MEAF6: variants seen among roughly 807,000 people sequenced by gnomAD.
MEAF6 encodes chromatin modification-related protein MEAF6.
In MEAF6, 15 loss-of-function variants were observed where a neutral mutation model predicts 28.9. The observed-to-expected ratio is 0.52, with a 90% CI of 0.35 to 0.80. MEAF6 has a LOEUF of 0.80. Among genes scored for constraint, MEAF6 ranks in the 30% least tolerant of loss-of-function variants. MEAF6 has a pLI of 0.01. For missense variants in MEAF6, 178 were observed against 237.5 expected, an observed-to-expected ratio of 0.75 and a Z score of 1.65; for synonymous variants, 97 against 88.7, an observed-to-expected ratio of 1.09 and a Z score of -0.53.
In MEAF6 at chr1:37,499,103, A is replaced by G. The variant is rs527601264; in HGVS notation, c.533+2701T>C. 2.6e-5 allele frequency among the ~76,000 whole-genome samples: 4 copies of G among 152,146 alleles called. No homozygotes were observed. In the East Asian group the frequency reaches 7.7e-4, roughly 29 times the overall value. ...GAGGTCAAAGCTGCAATGACCCATGATCTCACCACTGCACTCCAGCCTGGG... is the reference window on the plus strand; with the variant it reads ...GAGGTCAAAGCTGCAATGACCCATGGTCTCACCACTGCACTCCAGCCTGGG... On this transcript the variant is annotated intron_variant, in intron 5 of 6. Transcript: ENST00000296214.
At chr1:37,504,049 G>A (rs1047724977) in intron 4 of MEAF6, among the ~76,000 whole-genome samples, 2 of 152,210 alleles carry the variant, frequency 1.3e-5, no homozygotes, top group Non-Finnish European at 2.9e-5. Context: ...TTGAGGGAGA[G>A]AGCTGGTGGG....
At chr1:37,508,245 G>C (rs984674400) in intron 4 of MEAF6, among the ~76,000 whole-genome samples, 2 of 149,144 alleles carry the variant, frequency 1.3e-5, no homozygotes, top group Admixed American at 1.3e-4. Flanking sequence ...AGAACATACA[G>C]GTACATCCTA....
intron 5 of MEAF6, among the ~76,000 whole-genome samples, chr1:37,498,896 G>A (rs563014051): frequency 1.3e-5 from 2 of 152,200 alleles, no homozygotes; most frequent in Admixed American, 1.3e-4. Flanking sequence ...GTTCATGCCT[G>A]TAAACCCAGC....
At position 37,506,739 on chromosome 1, in the gene MEAF6, G is replaced by C. The variant is rs750142291; in HGVS notation, c.340+2539C>G. 2.0e-5 allele frequency among the ~76,000 whole-genome samples: 3 copies of C among 152,066 alleles called. No homozygotes were observed. In the South Asian group the frequency reaches 6.2e-4, roughly 32 times the overall value. On this transcript the variant is annotated intron_variant, in intron 4 of 6. Coordinates refer to ENST00000296214, the MANE Select transcript of MEAF6 (RefSeq NM_001270875.3). ...AGGTCTCACTCTGTCACTCAGGCTG[G>C]AGTGTCATGGCTCACTACAGCCTTG...
rs929870104 is a variant in MEAF6 at position 37,490,090 on chromosome 1, G to A, written c.*4009C>T. On this transcript the variant is annotated 3_prime_UTR_variant, in exon 7 of 7. Coordinates refer to ENST00000296214, the MANE Select transcript of MEAF6 (RefSeq NM_001270875.3). ...TGTATATATATAAAATACATCCAAA[G>A]TGAGAAACTAAATAAGGCTGAGCCT... is the stretch of plus-strand genomic sequence containing the variant. Among the ~76,000 whole-genome samples the A allele has an allele frequency of 2.6e-5, 4 of 152,054 alleles. No homozygotes were observed. The highest frequency in any genetic ancestry group is 5.9e-5 in the Non-Finnish European group (4 of 68,020).
intron 2 of MEAF6, among the ~76,000 whole-genome samples, chr1:37,510,987 T>G (rs1642651620): frequency 6.6e-6 from 1 of 152,214 alleles, no homozygotes; most frequent in African/African-American, 2.4e-5. Flanking sequence ...CCCAAAGTGC[T>G]GAGATTACAG....
intron 5 of MEAF6, chr1:37,496,562 C>G: frequency 7.0e-7 from 1 of 1,422,778 alleles, no homozygotes; most frequent in Non-Finnish European, 9.3e-7. Context: ...TCACGTTTTT[C>G]TGTTTTTAAA....
intron 2 of MEAF6, among the ~76,000 whole-genome samples, chr1:37,511,217 A>C (rs1039015840): frequency 1.3e-5 from 2 of 152,176 alleles, no homozygotes; most frequent in Admixed American, 1.3e-4. Context: ...GCAATGGAGT[A>C]CTCCAAAAGT....
intron 4 of MEAF6, among the ~76,000 whole-genome samples, chr1:37,508,013 C>T (rs1642541939): frequency 6.6e-6 from 1 of 152,026 alleles, no homozygotes; most frequent in Non-Finnish European, 1.5e-5. Context: ...ACAAGATATA[C>T]CTTCTGAAAG....
intron 5 of MEAF6, chr1:37,500,934 C>T (rs1037002820): frequency 4.5e-5 from 7 of 154,120 alleles, no homozygotes; most frequent in African/African-American, 4.8e-5. Context: ...ACCCTGGCTT[C>T]GGAACTTCTA....
At chr1:37,505,786 A>G (rs1642461348) in intron 4 of MEAF6, among the ~76,000 whole-genome samples, 2 of 152,194 alleles carry the variant, frequency 1.3e-5, no homozygotes, top group Admixed American at 1.3e-4. Flanking sequence ...GAACCCTTAT[A>G]TTTACAGTCA....
chr1:37,509,582 G>T, intron 2 of MEAF6, 40 bp from the exon 3 acceptor site: 1 of 1,558,394 alleles, frequency 6.4e-7, no homozygotes, highest in Non-Finnish European at 8.8e-7. Flanking sequence ...ACCAAGCTAT[G>T]TCTATGGCTC....
chr1:37,496,478 TA>T (rs994431657), intron 5 of MEAF6: 109 of 800,806 alleles, frequency 1.4e-4, no homozygotes, highest in Middle Eastern at 8.4e-4. Flanking sequence ...TTATCTATTT[TA>T]AAAGAAATTA....
rs1050888605 is a variant in MEAF6 at position 37,505,994 on chromosome 1, C to T, written c.340+3284G>A. ...AAACTAAAAATCTTAGATGCCTGGC[C>T]GGGCGCAGTGGCTCAAGCCTGTAAT... On this transcript the variant is annotated intron_variant, in intron 4 of 6. Transcript: ENST00000296214. Among the ~76,000 whole-genome samples, 4 of 152,258 alleles carry T rather than the reference C, an allele frequency of 2.6e-5. No homozygotes were observed. The East Asian group carries it at 5.8e-4, about 22-fold the overall frequency.
chr1:37,509,563 A>T, intron 2 of MEAF6, 21 bp from the exon 3 acceptor site: 1 of 1,599,772 alleles, frequency 6.3e-7, no homozygotes, highest in East Asian at 2.2e-5. Flanking sequence ...GAAGAAACTC[A>T]TTATGAGCAC....
intron 5 of MEAF6, among the ~76,000 whole-genome samples, chr1:37,498,715 G>A (rs1405164763): frequency 6.6e-6 from 1 of 151,852 alleles, no homozygotes; most frequent in Non-Finnish European, 1.5e-5. Flanking sequence ...ACAGGTATGA[G>A]CCACAGCACC....
chr1:37,505,171 ACCGTATCTGGC>A (rs1426271734), intron 4 of MEAF6, among the ~76,000 whole-genome samples: 1 of 152,226 alleles, frequency 6.6e-6, no homozygotes, highest in Non-Finnish European at 1.5e-5. Context: ...GGCATGAGCC[ACCGTATCTGGC>A]CCAGTTTTCT....
chr1:37,494,137 T>G (rs1322487734), intron 6 of MEAF6, 30 bp from the exon 7 acceptor site: 4 of 1,592,836 alleles, frequency 2.5e-6, no homozygotes, highest in Non-Finnish European at 3.4e-6. Flanking sequence ...AGTCCCAACT[T>G]ACTCTCGGCA....
intron 5 of MEAF6, among the ~76,000 whole-genome samples, chr1:37,500,515 A>G (rs1642265933): frequency 6.6e-6 from 1 of 152,200 alleles, no homozygotes; most frequent in Admixed American, 6.5e-5. Context: ...AATTCTTACT[A>G]CAGTTATGCG....
Sources: gnomAD v4.1 joint callset for allele counts (sites outside exome capture counted in the v4.1 genomes callset) on GRCh38, gnomAD v4.1.1 for gene constraint, MANE v1.5 for transcripts, NCBI Gene and HGNC (gene_info 2026-07-23, HGNC 2026-07-21) for gene names.